Variants in INSC observed in about 807,000 individuals in gnomAD.
The protein encoded by INSC is protein inscuteable homolog.
Under a neutral mutation model 58.6 loss-of-function variants are expected in INSC, and 67 were observed. The ratio of observed to expected loss-of-function variants is 1.14; its 90% confidence interval spans 0.94 to 1.40. The LOEUF (loss-of-function observed/expected upper bound fraction) is 1.40. Ranked by LOEUF, INSC falls within the 40% of genes most tolerant of loss-of-function variation. The pLI, the probability that INSC is intolerant of heterozygous loss-of-function variation, is 0.00. For missense variants in INSC, 714 were observed against 692.0 expected, an observed-to-expected ratio of 1.03 and a Z score of -0.36; for synonymous variants, 262 against 276.1, an observed-to-expected ratio of 0.95 and a Z score of 0.51.
At chr11:15,227,115 C>T (rs1792562) in intron 9 of INSC, among the ~76,000 whole-genome samples, 82,320 of 152,100 alleles carry the variant, frequency 0.54, 24,005 homozygotes, top group East Asian at 0.89. Context: ...AGAGGATGTC[C>T]CCAAAATTAA....
chr11:15,252,390 G>A, the INSC span, among the ~76,000 whole-genome samples: 2 of 152,226 alleles, frequency 1.3e-5, no homozygotes, highest in East Asian at 1.9e-4. Flanking sequence ...AGTTAAAACT[G>A]TTACTTTAAA....
rs940605614 is a variant in INSC, at chr11:15,151,677, G to T, written c.56+2447G>T. 2.6e-5 allele frequency among the ~76,000 whole-genome samples: 4 copies of T among 152,204 alleles called. No homozygotes were observed. The South Asian group carries it at 8.3e-4, about 32-fold the overall frequency. On this transcript the variant is annotated intron_variant, in intron 2 of 12. Transcript: ENST00000379556. The stretch of plus-strand genomic sequence containing the variant: ...ATAGCCATGGTGGTCAGCATGTCGG[G>T]CCCAGGCTTTACACTCCCAGGGTTG...
intron 2 of INSC, among the ~76,000 whole-genome samples, chr11:15,160,020 A>C (rs1307058064): frequency 6.6e-6 from 1 of 152,234 alleles, no homozygotes; most frequent in Non-Finnish European, 1.5e-5. Flanking sequence ...TGTCAGGTCC[A>C]TTGCCTTGCA....
At chr11:15,132,911 A>C (rs920337735) in intron 1 of INSC, among the ~76,000 whole-genome samples, 2 of 151,642 alleles carry the variant, frequency 1.3e-5, no homozygotes, top group Non-Finnish European at 1.5e-5. Context: ...TTTTCCTTTG[A>C]TTGCTTTCAA....
intron 2 of INSC, among the ~76,000 whole-genome samples, chr11:15,164,899 C>A (rs1447127145): frequency 2.0e-5 from 3 of 152,118 alleles, no homozygotes; most frequent in African/African-American, 7.2e-5. Context: ...ATAATGCCTG[C>A]CACCAGTTAA....
intron 9 of INSC, among the ~76,000 whole-genome samples, chr11:15,229,967 T>A (rs1439153211): frequency 9.6e-5 from 2 of 20,884 alleles, no homozygotes; most frequent in South Asian, 4.1e-3. Flanking sequence ...TATTTATATA[T>A]ATATATATAT....
intron 6 of INSC, among the ~76,000 whole-genome samples, chr11:15,193,242 T>A (rs1325333961): frequency 6.6e-6 from 1 of 152,232 alleles, no homozygotes; most frequent in Non-Finnish European, 1.5e-5. Context: ...GTGAGTTATT[T>A]AGAACGAGAA....
chr11:15,197,821 A>G (rs1850428507), intron 6 of INSC, among the ~76,000 whole-genome samples: 1 of 152,156 alleles, frequency 6.6e-6, no homozygotes, highest in Non-Finnish European at 1.5e-5. Context: ...ACCAGCCCAC[A>G]CACCCCACAA....
chr11:15,158,479 T>C (rs928683502), intron 2 of INSC, among the ~76,000 whole-genome samples: 1 of 152,108 alleles, frequency 6.6e-6, no homozygotes, highest in Non-Finnish European at 1.5e-5. Context: ...TCCTGGCAAC[T>C]CCTCTCCTCT....
chr11:15,268,506 A>AATT, the INSC span, among the ~76,000 whole-genome samples: 1 of 152,080 alleles, frequency 6.6e-6, no homozygotes, highest in South Asian at 2.1e-4. Context: ...AATTAGATTC[A>AATT]AGAATCTGAA....
chr11:15,126,085 G>T (rs368330827), intron 1 of INSC, among the ~76,000 whole-genome samples: 2 of 152,350 alleles, frequency 1.3e-5, no homozygotes, highest in South Asian at 4.1e-4. Flanking sequence ...AGGCTAAGGA[G>T]TTCACATCTG....
intron 9 of INSC, among the ~76,000 whole-genome samples, chr11:15,233,552 C>G (rs1352537992): frequency 6.6e-6 from 1 of 152,202 alleles, no homozygotes; most frequent in Non-Finnish European, 1.5e-5. Flanking sequence ...GGTACAGGCT[C>G]TGTAAAGAGG....
intron 2 of INSC, among the ~76,000 whole-genome samples, chr11:15,171,865 T>C (rs1849412826): frequency 6.6e-6 from 1 of 152,218 alleles, no homozygotes; most frequent in Non-Finnish European, 1.5e-5. Flanking sequence ...TGGTTCTACG[T>C]TTCACAATTT....
intron 7 of INSC, 26 bp from the exon 8 acceptor site, chr11:15,221,451 G>A (rs1564911416): frequency 1.3e-6 from 2 of 1,588,688 alleles, no homozygotes; most frequent in Non-Finnish European, 1.7e-6. Context: ...AGGATGCACA[G>A]GGGAGCTCCC....
intron 7 of INSC, among the ~76,000 whole-genome samples, chr11:15,216,366 G>T (rs1456536166): frequency 6.6e-6 from 1 of 152,192 alleles, no homozygotes; most frequent in Non-Finnish European, 1.5e-5. Context: ...CAAATCCTTT[G>T]TAAGCATATG....
Position 15,245,900 on chromosome 11 carries a change from T to G in INSC, c.1471-12T>G. On this transcript the variant is annotated splice_polypyrimidine_tract_variant and intron_variant, in intron 12 of 12. Coordinates refer to ENST00000379556, the MANE Select transcript of INSC (RefSeq NM_001042536.3). Reference sequence around the variant, plus strand: ...AGTCTGACACGTGTCACCTCTTCTGTCTTCTCCCCAGGCTGCTCTGCGTAG... The same window carrying G: ...AGTCTGACACGTGTCACCTCTTCTGGCTTCTCCCCAGGCTGCTCTGCGTAG... The G allele has an allele frequency of 6.2e-7, 1 of 1,613,008 alleles. No homozygotes were observed. Among genetic ancestry groups the G allele is most frequent in the Non-Finnish European group, 8.5e-7 (1 of 1,179,158 alleles).
At position 15,176,053 on chromosome 11, in the gene INSC, T is replaced by A. The variant is rs1211181750; in HGVS notation, c.369T>A (p.Ala123=). The A allele has an allele frequency of 6.5e-7, 1 of 1,545,124 alleles. No individual in the cohort carries two copies. Among genetic ancestry groups the A allele is most frequent in the African/African-American group, 1.4e-5 (1 of 73,538 alleles). Residue 123 remains alanine, a synonymous_variant, in exon 3 of 13, where the codon GCT becomes GCA. Transcript: ENST00000379556. ...HARSMVSEYS[A]VSRNSLKEMG... ...GCTCCATGGTCAGCGAGTACAGTGC[T>A]GTCAGCAGGAACTCCTTGAAGGAAA...
chr11:15,184,405 G>GT (rs769971396), intron 5 of INSC: 1,078 of 192,844 alleles, frequency 5.6e-3, no homozygotes, highest in South Asian at 0.013. Flanking sequence ...TTTTCTTTTT[G>GT]TTTTTTTTTG....
intron 1 of INSC, among the ~76,000 whole-genome samples, chr11:15,116,855 C>CTTTCTTTCTT (rs1564853703): frequency 7.8e-5 from 2 of 25,702 alleles, no homozygotes; most frequent in South Asian, 2.4e-3. Context: ...CTTTCTCTCT[C>CTTTCTTTCTT]TCTCTCTCTC....
Sources: allele counts gnomAD v4.1 joint callset (sites outside exome capture counted in the v4.1 genomes callset), GRCh38; gene constraint gnomAD v4.1.1; transcripts MANE v1.5; gene names NCBI Gene and HGNC (gene_info 2026-07-23, HGNC 2026-07-21).